The following MYRIP variants were observed in gnomAD, a reference collection of about 807,000 sequenced individuals.
MYRIP encodes the protein myosin VIIA and Rab interacting protein.
A neutral mutation model predicts 98.0 loss-of-function variants in MYRIP; 49 were observed. The observed-to-expected ratio is 0.50, with a 90% confidence interval of 0.40 to 0.63. The LOEUF (loss-of-function observed/expected upper bound fraction) is 0.63, where lower values mean the gene tolerates loss of function less well. Among genes scored for constraint, MYRIP ranks in the 30% least tolerant of loss-of-function variants. The pLI is 0.00. For synonymous variants in MYRIP, 404 were observed against 409.5 expected, an observed-to-expected ratio of 0.99 and a Z score of 0.16; for missense variants, 1,004 against 1,058.2, an observed-to-expected ratio of 0.95 and a Z score of 0.71.
chr3:39,895,249 C>T (rs1035077440), intron 1 of MYRIP, among the ~76,000 whole-genome samples: 10 of 151,374 alleles, frequency 6.6e-5, no homozygotes, highest in African/African-American at 2.2e-4. Flanking sequence ...TGCAGTGGCG[C>T]GATCTCGGCT....
At chr3:39,920,496 T>G (rs1944281085) in intron 2 of MYRIP, among the ~76,000 whole-genome samples, 1 of 152,232 alleles carries the variant, frequency 6.6e-6, no homozygotes, top group Non-Finnish European at 1.5e-5. Context: ...GTTTTTCATT[T>G]GAATTAGAGT....
chr3:40,037,309 A>G (rs996975603), intron 2 of MYRIP, among the ~76,000 whole-genome samples: 4 of 152,092 alleles, frequency 2.6e-5, no homozygotes, highest in Non-Finnish European at 4.4e-5. Flanking sequence ...GTAAAATTGA[A>G]TGGAAGTAAA....
chr3:39,951,889 AAC>A (rs1945025338), intron 2 of MYRIP, among the ~76,000 whole-genome samples: 1 of 152,082 alleles, frequency 6.6e-6, no homozygotes, highest in Non-Finnish European at 1.5e-5. Context: ...TTTCTTTTTA[AAC>A]GCGCTTTATG....
chr3:40,137,714 C>G (rs1173038031), intron 3 of MYRIP, among the ~76,000 whole-genome samples: 3 of 152,018 alleles, frequency 2.0e-5, no homozygotes, highest in Non-Finnish European at 2.9e-5. Flanking sequence ...GGAGTCTTGC[C>G]CATTTTGTCC....
intron 2 of MYRIP, among the ~76,000 whole-genome samples, chr3:39,901,753 C>A (rs1943748266): frequency 1.3e-5 from 2 of 152,080 alleles, no homozygotes; most frequent in Non-Finnish European, 2.9e-5. Flanking sequence ...CAGTGCCCAG[C>A]ACAGTTTTAA....
At chr3:39,955,193 C>T (rs149828196) in intron 2 of MYRIP, among the ~76,000 whole-genome samples, 4,226 of 152,178 alleles carry the variant, frequency 0.028, 88 homozygotes, top group Non-Finnish European at 0.035. Flanking sequence ...AGATACTCCT[C>T]GAGAAGAGCA....
intron 10 of MYRIP, among the ~76,000 whole-genome samples, chr3:40,193,786 C>T (rs184386802): frequency 1.6e-4 from 24 of 152,298 alleles, no homozygotes; most frequent in African/African-American, 4.6e-4. Flanking sequence ...CTAACACTTT[C>T]ATAATTACTA....
chr3:40,039,852 C>T (rs1401394623), intron 2 of MYRIP, among the ~76,000 whole-genome samples: 1 of 151,886 alleles, frequency 6.6e-6, no homozygotes. Flanking sequence ...AGTCTACAAT[C>T]AAGGCGCTGG....
chr3:40,172,146 C>T (rs1950632183), intron 8 of MYRIP, among the ~76,000 whole-genome samples: 1 of 152,216 alleles, frequency 6.6e-6, no homozygotes, highest in Non-Finnish European at 1.5e-5. Context: ...GCTACAGAGA[C>T]AGTGGTCTCC....
At chr3:40,115,700 C>T (rs1327014868) in intron 3 of MYRIP, among the ~76,000 whole-genome samples, 5 of 151,788 alleles carry the variant, frequency 3.3e-5, no homozygotes, top group African/African-American at 1.2e-4. Flanking sequence ...TCTTAGTTTA[C>T]AGAAGAGAAA....
intron 2 of MYRIP, among the ~76,000 whole-genome samples, chr3:39,934,840 A>C (rs1045653008): frequency 1.3e-5 from 2 of 152,180 alleles, no homozygotes; most frequent in African/African-American, 2.4e-5. Context: ...TGTCTCTTAG[A>C]CTGTGGACAG....
intron 11 of MYRIP, among the ~76,000 whole-genome samples, chr3:40,226,523 A>G (rs1018151943): frequency 1.2e-4 from 19 of 152,196 alleles, no homozygotes; most frequent in Non-Finnish European, 2.2e-4. Flanking sequence ...CCAGCCCTCA[A>G]TCTGTTCATG....
rs540398663 is a variant in MYRIP, at chr3:40,155,129, T to C, written c.469+3945T>C. Reference sequence around the variant, plus strand: ...TAGCATTAGGTATATCTCCTAACGCTATCCCTCCACCCTCCCCCCACCCCA... The same window carrying C: ...TAGCATTAGGTATATCTCCTAACGCCATCCCTCCACCCTCCCCCCACCCCA... On this transcript the variant is annotated intron_variant, in intron 4 of 16. Coordinates refer to ENST00000302541, the MANE Select transcript of MYRIP (RefSeq NM_015460.4). Among the ~76,000 whole-genome samples the C allele has an allele frequency of 4.7e-5, 7 of 148,876 alleles. No homozygotes were observed. The East Asian group carries it at 1.4e-3, about 30-fold the overall frequency.
At chr3:40,224,009 C>G (rs967289316) in intron 11 of MYRIP, among the ~76,000 whole-genome samples, 6 of 152,092 alleles carry the variant, frequency 3.9e-5, no homozygotes, top group African/African-American at 7.2e-5. Flanking sequence ...GGCAGAGGAA[C>G]ACATGCAAGT....
At chr3:40,216,601 G>C (rs1952126410) in intron 11 of MYRIP, among the ~76,000 whole-genome samples, 1 of 152,090 alleles carries the variant, frequency 6.6e-6, no homozygotes, top group Admixed American at 6.6e-5. Context: ...AAAGTGAATA[G>C]CAGGAAACCC....
intron 3 of MYRIP, among the ~76,000 whole-genome samples, chr3:40,114,133 TAAC>T (rs568167784): frequency 2.9e-4 from 44 of 152,330 alleles, no homozygotes; most frequent in African/African-American, 9.6e-4. Context: ...ATGCACCACA[TAAC>T]AACATTTCAG....
chr3:39,892,543 A>G (rs1434480918), intron 1 of MYRIP, among the ~76,000 whole-genome samples: 2 of 152,164 alleles, frequency 1.3e-5, no homozygotes, highest in African/African-American at 4.8e-5. Context: ...ATGTAAATTA[A>G]ATTTAGCCTA....
intron 8 of MYRIP, among the ~76,000 whole-genome samples, chr3:40,172,030 C>G (rs917351612): frequency 1.3e-5 from 2 of 152,184 alleles, no homozygotes; most frequent in South Asian, 4.1e-4. Context: ...AAGACCCGCC[C>G]CCATGATTCA....
intron 1 of MYRIP, among the ~76,000 whole-genome samples, chr3:39,847,606 G>A (rs918956606): frequency 6.6e-6 from 1 of 152,068 alleles, no homozygotes; most frequent in African/African-American, 2.4e-5. Flanking sequence ...ACTGCTTCTG[G>A]GTTAATTCTC....
Sources: allele counts gnomAD v4.1 joint callset (sites outside exome capture counted in the v4.1 genomes callset), GRCh38; gene constraint gnomAD v4.1.1; transcripts MANE v1.5; gene names NCBI Gene and HGNC (gene_info 2026-07-23, HGNC 2026-07-21).